The following TENM1 variants were observed in gnomAD, a reference collection of about 807,000 sequenced individuals.
The protein encoded by TENM1 is teneurin transmembrane protein 1.
TENM1 carries 35 observed loss-of-function variants against 174.8 expected under a neutral mutation model. That is an observed-to-expected ratio of 0.20 (90% confidence interval 0.15 to 0.27). The LOEUF (loss-of-function observed/expected upper bound fraction) is 0.27. TENM1 is among the 10% of genes least tolerant of loss of function. The pLI is 1.00. For synonymous variants in TENM1, 781 were observed against 798.7 expected (o/e 0.98, Z 0.37); for missense variants, 1,633 against 2,130.1 (o/e 0.77, Z 4.59).
chrX:125,022,748 C>T, the TENM1 span, among the ~76,000 whole-genome samples: 3 of 111,494 alleles, frequency 2.7e-5, no homozygotes, highest in Non-Finnish European at 5.7e-5. Context: ...ATATTTCCCC[C>T]TGAGGTATGA....
intron 6 of TENM1, among the ~76,000 whole-genome samples, chrX:124,666,002 G>A (rs2051750881): frequency 8.9e-6 from 1 of 111,872 alleles, no homozygotes; most frequent in African/African-American, 3.3e-5. Context: ...GAGAGGTGAG[G>A]CAGTAGTCAC....
intron 22 of TENM1, among the ~76,000 whole-genome samples, chrX:124,472,694 A>G (rs1203308569): frequency 1.8e-5 from 2 of 111,229 alleles, no homozygotes; most frequent in Non-Finnish European, 3.8e-5. Context: ...TGGAGGATCC[A>G]TGAAGCTAAA....
At chrX:124,561,961 C>A (rs1382070534) in intron 13 of TENM1, 144 bp from the exon 17 acceptor site, 3 of 546,502 alleles carry the variant, frequency 5.5e-6, no homozygotes. Flanking sequence ...AGCTTGCTTG[C>A]CTGCAAAACC....
At chrX:124,997,240 G>C in the TENM1 span, among the ~76,000 whole-genome samples, 1 of 111,781 alleles carries the variant, frequency 8.9e-6, no homozygotes, top group Non-Finnish European at 1.9e-5. Context: ...TTAGTTGAGA[G>C]TGCCATGTCT....
At chrX:124,924,805 G>A (rs761174158) in intron 1 of TENM1, among the ~76,000 whole-genome samples, 6 of 111,228 alleles carry the variant, frequency 5.4e-5, no homozygotes, top group Non-Finnish European at 1.1e-4. Context: ...TTTGTGGCTG[G>A]ACGAGGAAGG....
chrX:124,823,709 A>G (rs2056092515), intron 3 of TENM1, among the ~76,000 whole-genome samples: 1 of 111,186 alleles, frequency 9.0e-6, no homozygotes, highest in African/African-American at 3.3e-5. Context: ...CAAATTTAGA[A>G]ACAATATTAA....
Position 124,392,362 on chromosome X carries a change from A to G in TENM1, c.5392-14T>C, listed in dbSNP as rs762803810. ...TCTGTTGTGGGCCTATGAGAAAGAG[A>G]TATGAAATACATTTTAAGCACAGCC... On this transcript the variant is annotated splice_polypyrimidine_tract_variant and intron_variant, in intron 27 of 31. Transcript: ENST00000422452. The G allele has an allele frequency of 2.6e-6, 3 of 1,153,697 alleles. No individual in the cohort carries two copies. The highest frequency in any genetic ancestry group is 1.8e-5 in the African/African-American group (1 of 55,960).
the TENM1 span, among the ~76,000 whole-genome samples, chrX:125,200,953 T>C: frequency 1.8e-5 from 2 of 111,861 alleles, no homozygotes; most frequent in Non-Finnish European, 3.8e-5. Flanking sequence ...TCCAAATGTC[T>C]ATCTCTAACA....
chrX:124,394,115 G>A (rs897174005), intron 27 of TENM1, among the ~76,000 whole-genome samples: 3 of 111,637 alleles, frequency 2.7e-5, no homozygotes, highest in Non-Finnish European at 5.6e-5. Flanking sequence ...GATTTATATC[G>A]GTAAGAGTTG....
At chrX:124,422,173 G>T in intron 24 of TENM1, 99 bp downstream of exon 27, 1 of 1,046,353 alleles carries the variant, frequency 9.6e-7, no homozygotes, top group East Asian at 3.1e-5. Flanking sequence ...ATGTTTGCAA[G>T]TAACACTTTG....
chrX:125,118,311 A>G, the TENM1 span, among the ~76,000 whole-genome samples: 1 of 111,419 alleles, frequency 9.0e-6, no homozygotes, highest in East Asian at 2.8e-4. Flanking sequence ...AAAAGCCCAG[A>G]CTACTCCACT....
chrX:124,740,805 A>G (rs1228734543), intron 3 of TENM1, among the ~76,000 whole-genome samples: 1 of 111,440 alleles, frequency 9.0e-6, no homozygotes, highest in Non-Finnish European at 1.9e-5. Context: ...ACACTAATGA[A>G]AAATACATTA....
At chrX:124,719,532 T>C (rs1169812168) in intron 4 of TENM1, among the ~76,000 whole-genome samples, 2 of 111,585 alleles carry the variant, frequency 1.8e-5, no homozygotes, top group African/African-American at 6.5e-5. Context: ...CAAATTCAGC[T>C]TTGTGCTATG....
intron 3 of TENM1, among the ~76,000 whole-genome samples, chrX:124,893,953 T>C (rs1382093422): frequency 9.0e-6 from 1 of 111,560 alleles, no homozygotes; most frequent in Non-Finnish European, 1.9e-5. Flanking sequence ...ATGAGAGCCA[T>C]GTAAAACATG....
chrX:124,503,707 C>T lies in TENM1; in HGVS notation c.3302-4G>A. On this transcript the variant is annotated splice_region_variant and splice_polypyrimidine_tract_variant and intron_variant, in intron 18 of 31. Transcript: ENST00000422452. ...TCATATTCATATCCCACAGATACTG[C>T]AAACAAAGAGTTAACAGCACATTAG... The T allele has an allele frequency of 8.4e-7, 1 of 1,189,254 alleles. No individual in the cohort carries two copies.
chrX:124,752,039 C>T lies in TENM1; in HGVS notation c.536-14842G>A, dbSNP rs777625703. ...GGATGGCTGGGTCAAATGGTATTTC[C>T]AGTTCTAGATCCCTGAGGAATCGCC... is the stretch of plus-strand genomic sequence containing the variant. On this transcript the variant is annotated intron_variant, in intron 3 of 31. Transcript: ENST00000422452. Among the ~76,000 whole-genome samples the T allele has an allele frequency of 1.7e-4, 19 of 110,190 alleles. No individual in the cohort carries two copies. The East Asian group carries it at 2.3e-3, about 13-fold the overall frequency.
At chrX:124,602,381 G>A (rs1320867181) in intron 11 of TENM1, among the ~76,000 whole-genome samples, 1 of 110,939 alleles carries the variant, frequency 9.0e-6, no homozygotes, top group Non-Finnish European at 1.9e-5. Context: ...AAAAACCCTT[G>A]ACCAATTTTC....
the TENM1 span, among the ~76,000 whole-genome samples, chrX:124,970,784 G>A: frequency 0.035 from 3,876 of 110,921 alleles, 176 homozygotes; most frequent in African/African-American, 0.12. Flanking sequence ...TCCCATTACT[G>A]GGTATGTACC....
intron 3 of TENM1, among the ~76,000 whole-genome samples, chrX:124,782,226 T>A (rs1460006669): frequency 9.0e-6 from 1 of 111,713 alleles, no homozygotes; most frequent in Non-Finnish European, 1.9e-5. Context: ...AACAAACTAC[T>A]ATTTTTGAGC....
Sources: allele counts gnomAD v4.1 joint callset (sites outside exome capture counted in the v4.1 genomes callset), GRCh38; gene constraint gnomAD v4.1.1; transcripts MANE v1.5; gene names NCBI Gene and HGNC (gene_info 2026-07-23, HGNC 2026-07-21).